MPP7: variants seen among roughly 807,000 people sequenced by gnomAD.
MPP7 encodes MAGUK p55 subfamily member 7.
MPP7 carries 60 observed loss-of-function variants against 76.5 expected under a neutral mutation model. The observed-to-expected ratio is 0.78, with a 90% CI of 0.64 to 0.97. The LOEUF is 0.97. Ranked by LOEUF, MPP7 falls within the 50% of genes least tolerant of loss-of-function variation. The probability of loss-of-function intolerance (pLI) is 0.00; values close to 1 mark genes in which losing one functional copy is unlikely to be tolerated. For missense variants in MPP7, 641 were observed against 694.0 expected, an observed-to-expected ratio of 0.92 and a Z score of 0.86; for synonymous variants, 237 against 244.5, an observed-to-expected ratio of 0.97 and a Z score of 0.29.
chr10:28,253,394 A>C (rs1486650616), intron 1 of MPP7, among the ~76,000 whole-genome samples: 2 of 152,172 alleles, frequency 1.3e-5, no homozygotes, highest in Non-Finnish European at 2.9e-5. Flanking sequence ...GACAAATGTA[A>C]AACAGAAAAG....
chr10:28,254,004 G>GAAAAAAAAAA (rs199511617), intron 1 of MPP7, among the ~76,000 whole-genome samples: 8 of 92,332 alleles, frequency 8.7e-5, no homozygotes, highest in Non-Finnish European at 1.4e-4. Context: ...TCACAAAAAA[G>GAAAAAAAAAA]AAAAAAAAAA....
At chr10:28,186,827 G>A (rs573067279) in intron 3 of MPP7, among the ~76,000 whole-genome samples, 4 of 152,278 alleles carry the variant, frequency 2.6e-5, no homozygotes, top group East Asian at 1.9e-4. Flanking sequence ...AGTGGGAAAC[G>A]CTCATCTCTG....
At chr10:28,146,058 G>A (rs1835693383) in intron 5 of MPP7, among the ~76,000 whole-genome samples, 1 of 152,074 alleles carries the variant, frequency 6.6e-6, no homozygotes, top group Non-Finnish European at 1.5e-5. Context: ...TTTCAAAAAG[G>A]AGTTTAACAA....
intron 3 of MPP7, among the ~76,000 whole-genome samples, chr10:28,163,476 A>C (rs368456589): frequency 1.2e-4 from 18 of 152,282 alleles, no homozygotes; most frequent in African/African-American, 4.1e-4. Flanking sequence ...ATTTAACATA[A>C]GTTCTCTCAG....
At chr10:28,094,458 A>C (rs570093988) in intron 11 of MPP7, among the ~76,000 whole-genome samples, 10 of 152,236 alleles carry the variant, frequency 6.6e-5, no homozygotes, top group Non-Finnish European at 1.3e-4. Context: ...CTGCCTCACA[A>C]GGTGGTTAAG....
intron 1 of MPP7, among the ~76,000 whole-genome samples, chr10:28,256,681 G>A (rs183374826): frequency 2.1e-3 from 314 of 152,180 alleles, no homozygotes; most frequent in Non-Finnish European, 3.7e-3. Context: ...CAAGTCTTAC[G>A]TATATAACTA....
In MPP7 at chr10:28,060,239, GCTACT is replaced by G. The variant is rs372257258; in HGVS notation, c.1205-501_1205-497del. ...CAAGTGAAGCCAAATACTTCTGTGT[GCTACT>G]CATTCCTCCTTTGCAAAGTCATAAA... On this transcript the variant is annotated intron_variant, in intron 13 of 16. Coordinates refer to ENST00000683449, the MANE Select transcript of MPP7 (RefSeq NM_001318170.2). 5.1e-4 allele frequency among the ~76,000 whole-genome samples: 78 copies of G among 152,256 alleles called. 1 individual carries two copies. The East Asian group carries it at 0.012, about 23-fold the overall frequency.
At chr10:28,322,356 C>G (rs764010200) in intron 2 of MPP7, among the ~76,000 whole-genome samples, 5 of 152,086 alleles carry the variant, frequency 3.3e-5, no homozygotes, top group Non-Finnish European at 5.9e-5. Flanking sequence ...AAGTTATTAA[C>G]ATTTTTCCTG....
At chr10:28,269,341 A>G (rs1056351686) in intron 1 of MPP7, among the ~76,000 whole-genome samples, 2 of 152,134 alleles carry the variant, frequency 1.3e-5, no homozygotes, top group African/African-American at 2.4e-5. Flanking sequence ...TTTTAACTCA[A>G]TTCTCTTCTA....
intron 2 of MPP7, among the ~76,000 whole-genome samples, chr10:28,220,505 C>T (rs949615459): frequency 1.8e-4 from 27 of 152,124 alleles, no homozygotes; most frequent in African/African-American, 6.3e-4. Flanking sequence ...TTATCTCAAG[C>T]ATAACATGTA....
intron 8 of MPP7, among the ~76,000 whole-genome samples, chr10:28,121,806 T>C (rs1025921007): frequency 4.8e-5 from 7 of 146,390 alleles, no homozygotes; most frequent in African/African-American, 1.8e-4. Flanking sequence ...CAGGACTCCA[T>C]TTATTTAAAA....
At chr10:28,172,464 T>G (rs1836715895) in intron 3 of MPP7, among the ~76,000 whole-genome samples, 1 of 152,246 alleles carries the variant, frequency 6.6e-6, no homozygotes, top group Non-Finnish European at 1.5e-5. Flanking sequence ...ATGTATTGTA[T>G]TTCTACTCCC....
chr10:28,294,531 G>T (rs574863222), intron 1 of MPP7, among the ~76,000 whole-genome samples: 1 of 152,282 alleles, frequency 6.6e-6, no homozygotes, highest in Non-Finnish European at 1.5e-5. Flanking sequence ...AGGCAGCATC[G>T]ATATGAATGT....
chr10:28,097,975 G>A (rs1422299497), intron 11 of MPP7, among the ~76,000 whole-genome samples: 2 of 152,142 alleles, frequency 1.3e-5, no homozygotes, highest in Non-Finnish European at 2.9e-5. Context: ...AACTTGGACA[G>A]TTGCAATTTG....
intron 3 of MPP7, among the ~76,000 whole-genome samples, chr10:28,172,071 T>C (rs1306548549): frequency 7.2e-5 from 11 of 152,164 alleles, no homozygotes; most frequent in Non-Finnish European, 8.8e-5. Flanking sequence ...TCTCACAAAC[T>C]GCCAGGTCTA....
intron 16 of MPP7, among the ~76,000 whole-genome samples, chr10:28,056,212 T>C (rs562467251): frequency 3.3e-5 from 5 of 151,912 alleles, no homozygotes; most frequent in South Asian, 4.2e-4. Context: ...GGCTGGAGTG[T>C]AGTAGTGTGA....
chr10:28,152,667 T>C (rs1588855222), intron 3 of MPP7, among the ~76,000 whole-genome samples: 1 of 152,204 alleles, frequency 6.6e-6, no homozygotes, highest in African/African-American at 2.4e-5. Context: ...TTATTTACTT[T>C]ACATTTAAAT....
rs781258528 is a variant in MPP7 at position 28,202,116 on chromosome 10, C to A, written c.156+37G>T. ...GGTGCCCCAAATATTTTTCCATATG[C>A]TTTTCGCAAAGAGAATCTGACATCA... On this transcript the variant is annotated intron_variant, in intron 3 of 16. Transcript: ENST00000683449. 20 of 1,435,728 alleles carry A rather than the reference C, an allele frequency of 1.4e-5. No homozygotes were observed. In the South Asian group the frequency reaches 2.3e-4, roughly 17 times the overall value. 88.9% of individuals were successfully genotyped at this position (1,435,728 alleles called of 1,614,324 possible).
intron 1 of MPP7, among the ~76,000 whole-genome samples, chr10:28,279,704 CAAA>C (rs1338156148): frequency 2.6e-5 from 3 of 113,536 alleles, no homozygotes; most frequent in Admixed American, 1.9e-4. Context: ...GACGCTGTCT[CAAA>C]AAAAAAAAAA....
Sources: gnomAD v4.1 joint callset for allele counts (sites outside exome capture counted in the v4.1 genomes callset) on GRCh38, gnomAD v4.1.1 for gene constraint, MANE v1.5 for transcripts, NCBI Gene and HGNC (gene_info 2026-07-23, HGNC 2026-07-21) for gene names.